The following MAGI1 variants were observed in gnomAD, a reference collection of about 807,000 sequenced individuals.
MAGI1 encodes membrane associated guanylate kinase, WW and PDZ domain containing 1.
Under a neutral mutation model 139.9 loss-of-function variants are expected in MAGI1, and 58 were observed. The observed-to-expected ratio is 0.41, with a 90% CI of 0.34 to 0.52. MAGI1 has a LOEUF of 0.52. MAGI1 is among the 20% of genes least tolerant of loss of function. The pLI is 0.12. For synonymous variants in MAGI1, 812 were observed against 737.9 expected (o/e 1.10, Z -1.63); for missense variants, 1,874 against 1,901.6 (o/e 0.99, Z 0.27).
chr3:65,430,247 G>T (rs1947353578), intron 11 of MAGI1, 107 bp from the exon 12 acceptor site: 14 of 1,133,816 alleles, frequency 1.2e-5, no homozygotes, highest in Admixed American at 2.1e-5. Flanking sequence ...CTGCATGTGG[G>T]TGTGATACTA....
intron 2 of MAGI1, among the ~76,000 whole-genome samples, chr3:65,545,610 A>T (rs538624259): frequency 2.6e-5 from 4 of 152,298 alleles, no homozygotes; most frequent in African/African-American, 9.6e-5. Flanking sequence ...TATTCTAGCC[A>T]TCTATTCATT....
At chr3:65,575,324 T>A (rs1039588070) in intron 2 of MAGI1, among the ~76,000 whole-genome samples, 6 of 151,976 alleles carry the variant, frequency 3.9e-5, no homozygotes, top group Non-Finnish European at 8.8e-5. Context: ...AAAACCATAA[T>A]GAGGTACCAA....
intron 1 of MAGI1, among the ~76,000 whole-genome samples, chr3:65,804,127 T>C (rs1326334239): frequency 6.6e-6 from 1 of 152,190 alleles, no homozygotes; most frequent in East Asian, 1.9e-4. Flanking sequence ...CAAACATTCA[T>C]CTTACTGATG....
rs139255453 is a variant in MAGI1, at chr3:65,703,028, T to C, written c.314-80940A>G. ...CAAGCAGAATCTGGAGCAGAGACAC[T>C]GAGAGGACGGGCTTGGAGAGGCAGC... On this transcript the variant is annotated intron_variant, in intron 1 of 22. Transcript: ENST00000402939. Among the ~76,000 whole-genome samples the C allele has an allele frequency of 5.6e-3, 846 of 152,044 alleles. 5 individuals are homozygous for C. The highest frequency in any genetic ancestry group is 0.02 in the African/African-American group (814 of 41,474).
intron 1 of MAGI1, among the ~76,000 whole-genome samples, chr3:65,629,903 CA>C (rs1172003566): frequency 6.6e-6 from 1 of 152,010 alleles, no homozygotes; most frequent in Non-Finnish European, 1.5e-5. Flanking sequence ...GCTACAGAAC[CA>C]CATACTTAAG....
In MAGI1 at chr3:65,929,442, G is replaced by C. The variant is rs960847585; in HGVS notation, c.313+108554C>G. Among the ~76,000 whole-genome samples, 3 of 151,686 alleles carry C rather than the reference G, an allele frequency of 2.0e-5. No individual in the cohort carries two copies. The East Asian group carries it at 5.8e-4, about 29-fold the overall frequency. ...TGCAACCTCCACCTCCCAGGTTCAAGCGATTCTCCTGCCTCAGCCTCCCAA... is the reference window on the plus strand; with the variant it reads ...TGCAACCTCCACCTCCCAGGTTCAACCGATTCTCCTGCCTCAGCCTCCCAA... On this transcript the variant is annotated intron_variant, in intron 1 of 22. Transcript: ENST00000402939.
intron 1 of MAGI1, chr3:65,843,955 T>G (rs1159652246): frequency 4.8e-6 from 1 of 210,318 alleles, no homozygotes; most frequent in Middle Eastern, 1.8e-3. Flanking sequence ...GGTTAAAATT[T>G]TCATTTTCAC....
intron 2 of MAGI1, among the ~76,000 whole-genome samples, chr3:65,596,910 TA>T (rs1169436532): frequency 1.3e-5 from 2 of 152,146 alleles, no homozygotes; most frequent in Non-Finnish European, 2.9e-5. Flanking sequence ...GAAGCAAACT[TA>T]AAAAGCCTTC....
chr3:65,754,277 C>T (rs1490570893), intron 1 of MAGI1, among the ~76,000 whole-genome samples: 1 of 152,104 alleles, frequency 6.6e-6, no homozygotes, highest in African/African-American at 2.4e-5. Flanking sequence ...AACAATGGCA[C>T]ATTTACGATT....
At chr3:65,832,967 T>C (rs943284967) in intron 1 of MAGI1, among the ~76,000 whole-genome samples, 15 of 152,218 alleles carry the variant, frequency 9.9e-5, no homozygotes, top group Non-Finnish European at 2.9e-5. Flanking sequence ...TCACTAAAAT[T>C]CTCACAAGAA....
chr3:65,788,716 T>A (rs1286917342), intron 1 of MAGI1, among the ~76,000 whole-genome samples: 3 of 152,138 alleles, frequency 2.0e-5, no homozygotes, highest in African/African-American at 7.2e-5. Context: ...ATTAAATAAA[T>A]CAGTGTTCAG....
At chr3:65,733,061 GTT>G (rs1030257738) in intron 1 of MAGI1, among the ~76,000 whole-genome samples, 3 of 151,154 alleles carry the variant, frequency 2.0e-5, no homozygotes, top group Admixed American at 6.6e-5. Flanking sequence ...TTTTGTTTTT[GTT>G]TGTTTTTTTT....
intron 1 of MAGI1, among the ~76,000 whole-genome samples, chr3:66,034,043 G>A (rs2068782018): frequency 6.6e-6 from 1 of 152,076 alleles, no homozygotes; most frequent in African/African-American, 2.4e-5. Flanking sequence ...CTCAATTTTG[G>A]TCTATACCCT....
At chr3:65,734,765 G>A (rs968309600) in intron 1 of MAGI1, among the ~76,000 whole-genome samples, 1 of 151,618 alleles carries the variant, frequency 6.6e-6, no homozygotes, top group Admixed American at 6.6e-5. Flanking sequence ...TTGAATGTGT[G>A]TATGGATTTA....
At chr3:65,675,369 A>G (rs1408720347) in intron 1 of MAGI1, among the ~76,000 whole-genome samples, 1 of 152,230 alleles carries the variant, frequency 6.6e-6, no homozygotes, top group African/African-American at 2.4e-5. Context: ...TGCAGTCATC[A>G]ATCTCAAAGT....
chr3:65,912,014 C>G (rs2061689714), intron 1 of MAGI1, among the ~76,000 whole-genome samples: 1 of 152,106 alleles, frequency 6.6e-6, no homozygotes, highest in South Asian at 2.1e-4. Flanking sequence ...CAAGTGTGCC[C>G]TTGAAAGCCT....
intron 12 of MAGI1, among the ~76,000 whole-genome samples, chr3:65,404,799 G>T (rs944803987): frequency 6.6e-6 from 1 of 152,156 alleles, no homozygotes; most frequent in African/African-American, 2.4e-5. Context: ...TATGTAACTG[G>T]TTAACTGCAG....
intron 3 of MAGI1, among the ~76,000 whole-genome samples, chr3:65,483,116 C>T (rs189845836): frequency 6.6e-6 from 1 of 152,354 alleles, no homozygotes; most frequent in Admixed American, 6.5e-5. Flanking sequence ...AAAAAGTCTT[C>T]AATAATTCAC....
intron 1 of MAGI1, among the ~76,000 whole-genome samples, chr3:65,962,584 C>T (rs531603499): frequency 2.6e-5 from 4 of 151,546 alleles, no homozygotes; most frequent in Non-Finnish European, 5.9e-5. Context: ...TCTGTAATTA[C>T]AGCACTTCGG....
Sources: allele counts gnomAD v4.1 joint callset (sites outside exome capture counted in the v4.1 genomes callset), GRCh38; gene constraint gnomAD v4.1.1; transcripts MANE v1.5; gene names NCBI Gene and HGNC (gene_info 2026-07-23, HGNC 2026-07-21).